Variants in GRIN2A observed in about 807,000 individuals in gnomAD.
GRIN2A encodes glutamate ionotropic receptor NMDA type subunit 2A, also known as glutamate receptor ionotropic, NMDA 2A.
In GRIN2A, 22 loss-of-function variants were observed where a neutral mutation model predicts 113.4. The observed-to-expected ratio is 0.19, with a 90% CI of 0.14 to 0.28. The LOEUF (loss-of-function observed/expected upper bound fraction) is 0.28, where lower values mean the gene tolerates loss of function less well. Ranked by LOEUF, GRIN2A falls within the 10% of genes least tolerant of loss-of-function variation. GRIN2A has a pLI of 1.00. For synonymous variants in GRIN2A, 827 were observed against 738.4 expected (o/e 1.12, Z -1.94); for missense variants, 1,502 against 1,887.0 (o/e 0.80, Z 3.78).
intron 5 of GRIN2A, among the ~76,000 whole-genome samples, chr16:9,849,399 G>A (rs1346161190): frequency 6.6e-6 from 1 of 151,696 alleles, no homozygotes; most frequent in Non-Finnish European, 1.5e-5. Flanking sequence ...TCAACCTAAG[G>A]GTTAAAAACA....
chr16:9,761,675 A>G lies in GRIN2A; in HGVS notation c.*1474T>C, dbSNP rs144327233. On this transcript the variant is annotated 3_prime_UTR_variant, in exon 13 of 13. Transcript: ENST00000330684. ...TTTTTGTGGCAGGCACTGTGCTAAC[A>G]GGCTCCCCATGCATAAGTATTCCCC... 1,371 of 227,768 alleles carry G rather than the reference A, an allele frequency of 6.0e-3. 13 individuals are homozygous for G. Among genetic ancestry groups the G allele is most frequent in the African/African-American group, 0.028 (1,283 of 45,160 alleles). 14.1% of individuals were successfully genotyped at this position (227,768 alleles called of 1,614,324 possible). A position where few individuals can be genotyped will look rare whatever the true frequency, so the allele number is the denominator to read the frequency against.
At chr16:10,100,679 T>A (rs1001201292) in intron 2 of GRIN2A, among the ~76,000 whole-genome samples, 1 of 152,236 alleles carries the variant, frequency 6.6e-6, no homozygotes, top group Non-Finnish European at 1.5e-5. Context: ...GTTCACTCCA[T>A]CTGTGCAGCT....
chr16:10,176,754 C>T (rs573383554), intron 2 of GRIN2A, among the ~76,000 whole-genome samples: 41 of 151,798 alleles, frequency 2.7e-4, no homozygotes, highest in African/African-American at 9.9e-4. Flanking sequence ...ATGTAAATGA[C>T]GAGTTAATGG....
Position 9,938,328 on chromosome 16 carries a change from G to C in GRIN2A, c.638C>G (p.Ala213Gly), listed in dbSNP as rs759441215. 1 of 1,613,866 alleles carries C rather than the reference G, an allele frequency of 6.2e-7. No homozygotes were observed. The highest frequency in any genetic ancestry group is 8.5e-7 in the Non-Finnish European group (1 of 1,179,790). ...CTTCTTCAGCTGGACTTGTGTCTTT[G>C]CATCCTCAAAGGAAGTGTCCAGTGT... ...VITLDTSFED[A>G]KTQVQLKKIH... is the part of the protein sequence containing the mutation. Residue 213 changes from alanine (A) to glycine (G), a missense_variant, in exon 3 of 13, where the codon GCA becomes GGA. By Grantham distance (60) the Ala-to-Gly change is moderately conservative. Coordinates refer to ENST00000330684, the MANE Select transcript of GRIN2A (RefSeq NM_001134407.3).
chr16:9,993,859 C>T (rs1229056145), intron 2 of GRIN2A, among the ~76,000 whole-genome samples: 1 of 152,186 alleles, frequency 6.6e-6, no homozygotes, highest in Admixed American at 6.5e-5. Flanking sequence ...ACAGGCGGCT[C>T]ATGTGGGGAA....
In GRIN2A at chr16:10,043,991, G is replaced by A. The variant is rs1039171154; in HGVS notation, c.415-105440C>T. ...CACACACATATATATATACACATAC[G>A]TGTGTGTGTGTGTGTGTATATATAT... On this transcript the variant is annotated intron_variant, in intron 2 of 12. Transcript: ENST00000330684. Among the ~76,000 whole-genome samples the A allele has an allele frequency of 7.2e-4, 55 of 76,660 alleles. 1 individual carries two copies. The highest frequency in any genetic ancestry group is 6.4e-3 in the Middle Eastern group (1 of 156). The allele number at this position is 76,660 out of a possible 152,430, so 50.3% of individuals were successfully genotyped here.
chr16:10,143,752 C>A (rs1472215448), intron 2 of GRIN2A, among the ~76,000 whole-genome samples: 1 of 151,996 alleles, frequency 6.6e-6, no homozygotes, highest in Non-Finnish European at 1.5e-5. Flanking sequence ...ATCTCTTGAG[C>A]CCAGGAGTTT....
intron 3 of GRIN2A, among the ~76,000 whole-genome samples, chr16:9,908,849 GGCCTGGCA>G (rs1347479267): frequency 1.3e-5 from 2 of 152,138 alleles, no homozygotes; most frequent in African/African-American, 4.8e-5. Context: ...ACCACACCGT[GGCCTGGCA>G]CCAGGCCCTC....
At chr16:9,909,143 A>G (rs1177440447) in intron 3 of GRIN2A, among the ~76,000 whole-genome samples, 1 of 152,160 alleles carries the variant, frequency 6.6e-6, no homozygotes, top group Non-Finnish European at 1.5e-5. Context: ...CATGTCTTAC[A>G]TGGAAGGGAG....
At chr16:9,979,785 C>CTATATATACATATATATATA (rs2045852868) in intron 2 of GRIN2A, among the ~76,000 whole-genome samples, 2 of 122,348 alleles carry the variant, frequency 1.6e-5, no homozygotes, top group Admixed American at 8.4e-5. Context: ...GACTATGGGA[C>CTATATATACATATATATATA]TATATATATA....
intron 10 of GRIN2A, among the ~76,000 whole-genome samples, chr16:9,814,755 C>G (rs1456019688): frequency 6.6e-6 from 1 of 152,180 alleles, no homozygotes; most frequent in African/African-American, 2.4e-5. Context: ...TGCGGTGGCT[C>G]AGGCCTGTAG....
chr16:9,908,803 C>T (rs540087820), intron 3 of GRIN2A, among the ~76,000 whole-genome samples: 12 of 152,226 alleles, frequency 7.9e-5, no homozygotes, highest in East Asian at 3.9e-4. Context: ...CAGAGCTGGG[C>T]GAGCAGCAAA....
intron 4 of GRIN2A, among the ~76,000 whole-genome samples, chr16:9,858,805 C>T (rs751268011): frequency 4.6e-5 from 7 of 151,984 alleles, no homozygotes; most frequent in Non-Finnish European, 7.4e-5. Flanking sequence ...TAATATACAC[C>T]TCTTATGTCC....
chr16:10,159,260 C>T (rs183533054), intron 2 of GRIN2A, among the ~76,000 whole-genome samples: 3 of 152,232 alleles, frequency 2.0e-5, no homozygotes, highest in Admixed American at 2.0e-4. Context: ...AACAGGAATA[C>T]CATTGACAGA....
At chr16:10,176,003 C>CTTT (rs34994079) in intron 2 of GRIN2A, among the ~76,000 whole-genome samples, 13 of 125,842 alleles carry the variant, frequency 1.0e-4, no homozygotes, top group Non-Finnish European at 1.3e-4. Flanking sequence ...AATTTTCCTT[C>CTTT]TTTTTTTTTT....
intron 2 of GRIN2A, among the ~76,000 whole-genome samples, chr16:10,134,159 C>T (rs1327718270): frequency 6.9e-6 from 1 of 145,104 alleles, no homozygotes; most frequent in Non-Finnish European, 1.5e-5. Context: ...CATCACCACA[C>T]TCCAGTCTGG....
intron 2 of GRIN2A, among the ~76,000 whole-genome samples, chr16:10,044,020 T>TAGAGAGAG (rs1394786989): frequency 1.7e-5 from 2 of 116,870 alleles, no homozygotes; most frequent in Admixed American, 9.5e-5. Context: ...TATATATATA[T>TAGAGAGAG]ATAGAGAGAG....
intron 2 of GRIN2A, among the ~76,000 whole-genome samples, chr16:10,084,939 G>T (rs967864068): frequency 2.0e-5 from 3 of 152,108 alleles, no homozygotes; most frequent in African/African-American, 4.8e-5. Flanking sequence ...AGTGTTAGTA[G>T]CAGCCAACAC....
intron 11 of GRIN2A, among the ~76,000 whole-genome samples, chr16:9,775,468 T>C (rs1239790533): frequency 1.3e-5 from 2 of 152,238 alleles, no homozygotes; most frequent in Admixed American, 6.5e-5. Context: ...GAATTACAGA[T>C]AGTCTTTGGC....
Sources: allele counts gnomAD v4.1 joint callset (sites outside exome capture counted in the v4.1 genomes callset), GRCh38; gene constraint gnomAD v4.1.1; transcripts MANE v1.5; gene names NCBI Gene and HGNC (gene_info 2026-07-23, HGNC 2026-07-21).